Variants in TUBB observed in about 807,000 individuals in gnomAD.
TUBB encodes tubulin beta class I.
TUBB carries 2 observed loss-of-function variants against 35.1 expected under a neutral mutation model. The observed-to-expected ratio is 0.06, with a 90% confidence interval of 0.02 to 0.18. The LOEUF (loss-of-function observed/expected upper bound fraction) is 0.18, where lower values mean the gene tolerates loss of function less well. TUBB is among the 10% of genes least tolerant of loss of function. The probability of loss-of-function intolerance (pLI) is 1.00; values close to 1 mark genes in which losing one functional copy is unlikely to be tolerated. For synonymous variants in TUBB, 205 were observed against 223.8 expected (o/e 0.92, Z 0.75); for missense variants, 50 against 599.4 (o/e 0.08, Z 9.57).
chr6:30,722,363 A>G (rs2127747505), intron 1 of TUBB, 174 bp from the exon 2 acceptor site: 2 of 591,590 alleles, frequency 3.4e-6, no homozygotes, highest in South Asian at 4.1e-5. Context: ...GAATCGCTTG[A>G]ACCCGGGAAG....
intron 2 of TUBB, 125 bp downstream of exon 2, chr6:30,722,770 A>G: frequency 3.5e-6 from 4 of 1,137,076 alleles, no homozygotes; most frequent in Middle Eastern, 2.0e-4. Flanking sequence ...CCTTTCGTGA[A>G]CCACCGTCGG....
chr6:30,723,337 C>T lies in TUBB; in HGVS notation c.278-3C>T, dbSNP rs1776423020. On this transcript the variant is annotated splice_region_variant and splice_polypyrimidine_tract_variant and intron_variant, in intron 3 of 3. Coordinates refer to ENST00000327892, the MANE Select transcript of TUBB (RefSeq NM_178014.4). ...TTGAGCTTTTCTCCTGACTGCATTC[C>T]AGGTCAGTCTGGGGCAGGTAACAAC... The T allele has an allele frequency of 6.3e-7, 1 of 1,596,916 alleles. No homozygotes were observed. The highest frequency in any genetic ancestry group is 8.5e-7 in the Non-Finnish European group (1 of 1,170,660).
intron 1 of TUBB, 175 bp from the exon 2 acceptor site, chr6:30,722,362 G>C: frequency 1.7e-6 from 1 of 590,132 alleles, no homozygotes; most frequent in Non-Finnish European, 3.1e-6. Context: ...AGAATCGCTT[G>C]AACCCGGGAA....
At chr6:30,720,934 C>A (rs543626967) in intron 1 of TUBB, among the ~76,000 whole-genome samples, 2 of 152,362 alleles carry the variant, frequency 1.3e-5, no homozygotes, top group Non-Finnish European at 2.9e-5. Context: ...TCCCGCCCAA[C>A]CCCCCTGCGG....
intron 1 of TUBB, chr6:30,721,997 TAAA>T: frequency 1.3e-6 from 1 of 748,912 alleles, no homozygotes; most frequent in Non-Finnish European, 1.6e-6. Flanking sequence ...AAAATAAAAG[TAAA>T]AAATTAGCTG....
In TUBB at chr6:30,721,606, G is replaced by C. The variant is rs921390413; in HGVS notation, c.58-931G>C. The C allele has an allele frequency of 4.5e-5, 44 of 985,424 alleles. No individual in the cohort carries two copies. The Admixed American group carries it at 7.4e-4, about 17-fold the overall frequency. The allele number at this position is 985,424 out of a possible 1,614,324, so 61.0% of individuals were successfully genotyped here. A position where few individuals can be genotyped will look rare whatever the true frequency, so the allele number is the denominator to read the frequency against. ...GCCGCAGTCACGTGGAGGGCGGGGG[G>C]GGTGGTCGACTGCGGCGGCAGCTCT... On this transcript the variant is annotated intron_variant, in intron 1 of 3. Coordinates refer to ENST00000327892, the MANE Select transcript of TUBB (RefSeq NM_178014.4).
At position 30,723,824 on chromosome 6, in the gene TUBB, A is replaced by C. The variant is rs1562158119; in HGVS notation, c.762A>C (p.Ala254=). The C allele has an allele frequency of 6.2e-7, 1 of 1,614,034 alleles. No homozygotes were observed. The highest frequency in any genetic ancestry group is 1.7e-5 in the Admixed American group (1 of 60,018). The part of the protein sequence containing the change: ...GQLNADLRKL[A]VNMVPFPRLH... Reference sequence around the variant, plus strand: ...TCAATGCTGACCTCCGCAAGTTGGCAGTCAACATGGTCCCCTTCCCACGTC... The same window carrying C: ...TCAATGCTGACCTCCGCAAGTTGGCCGTCAACATGGTCCCCTTCCCACGTC... The change falls in exon 4 of 4, where the codon GCA becomes GCC. Residue 254 remains alanine, a synonymous_variant. Transcript: ENST00000327892.
At chr6:30,722,305 T>C (rs1434900760) in intron 1 of TUBB, 2 of 504,192 alleles carry the variant, frequency 4.0e-6, no homozygotes, top group Non-Finnish European at 7.2e-6. Context: ...TAGCTGGGCG[T>C]GTTGGTGCGC....
chr6:30,721,582 C>G (rs1320659595), intron 1 of TUBB: 36 of 985,306 alleles, frequency 3.7e-5, no homozygotes, highest in African/African-American at 7.0e-5. Context: ...TGCGCGTGCG[C>G]CGCAGTCACG....
chr6:30,722,325 C>T (rs1776335891), intron 1 of TUBB: 2 of 553,516 alleles, frequency 3.6e-6, no homozygotes, highest in Admixed American at 3.1e-5. Context: ...CGCCTATAGT[C>T]CCAGCTACTC....
At chr6:30,721,526 T>C in intron 1 of TUBB, 1 of 983,900 alleles carries the variant, frequency 1.0e-6, no homozygotes, top group Non-Finnish European at 1.2e-6. Flanking sequence ...GGAATTTTTG[T>C]CCCTGGCCCC....
intron 1 of TUBB, chr6:30,721,607 G>A (rs1037884532): frequency 1.5e-5 from 15 of 985,302 alleles, no homozygotes; most frequent in African/African-American, 1.7e-5. Context: ...GGGCGGGGGG[G>A]GTGGTCGACT....
Position 30,724,356 on chromosome 6 carries a change from G to C in TUBB, c.1294G>C (p.Glu432Gln). ...GCAGTACCAGGATGCCACCGCAGAA[G>C]AGGAGGAGGATTTCGGTGAGGAGGC... ...YQQYQDATAE[E>Q]EEDFGEEAEE... Residue 432 changes from glutamate to glutamine, a missense_variant, in exon 4 of 4, where the codon GAG becomes CAG. Physicochemically the swap from Glu to Gln is conservative, Grantham distance 29. Around this residue, in one of 2 missense-constraint regions of TUBB, gnomAD observed 12 missense variants for 20.5 expected, o/e 0.59. Coordinates refer to ENST00000327892, the MANE Select transcript of TUBB (RefSeq NM_178014.4). This position sits in a 1 kb window ranked among gnomAD's most constrained non-coding sequence, Gnocchi z 4.4. 1 of 1,612,650 alleles carries C rather than the reference G, an allele frequency of 6.2e-7. No individual in the cohort carries two copies. The highest frequency in any genetic ancestry group is 8.5e-7 in the Non-Finnish European group (1 of 1,179,840).
Position 30,722,932 on chromosome 6 carries a change from C to T in TUBB, c.181C>T (p.Pro61Ser). Reference sequence around the variant, plus strand: ...ATTCTCTGTAGGTGGCAAATATGTTCCTCGTGCCATCCTGGTGGATCTAGA... The same window carrying T: ...ATTCTCTGTAGGTGGCAAATATGTTTCTCGTGCCATCCTGGTGGATCTAGA... ...YNEATGGKYV[P>S]RAILVDLEPG... is the part of the protein sequence containing the mutation. Residue 61 changes from proline to serine, a missense_variant, in exon 3 of 4, where the codon CCT becomes TCT. This residue lies in a region of TUBB where 38 missense variants were observed against 578.9 expected (regional missense o/e 0.07). Transcript: ENST00000327892. 1 of 1,612,062 alleles carries T rather than the reference C, an allele frequency of 6.2e-7. No individual in the cohort carries two copies. The highest frequency in any genetic ancestry group is 8.5e-7 in the Non-Finnish European group (1 of 1,179,328).
intron 2 of TUBB, 29 bp downstream of exon 2, chr6:30,722,674 T>C (rs763061220): frequency 6.4e-7 from 1 of 1,567,924 alleles, no homozygotes; most frequent in South Asian, 1.1e-5. Context: ...GCAGCTCAGG[T>C]TCCCTTCCCT....
At chr6:30,721,953 A>G (rs1390172335) in intron 1 of TUBB, 3 of 931,576 alleles carry the variant, frequency 3.2e-6, no homozygotes, top group Non-Finnish European at 3.8e-6. Context: ...CTGGGCAACA[A>G]AGCGAGACCC....
At chr6:30,722,336 C>T (rs772440656) in intron 1 of TUBB, 41 of 559,796 alleles carry the variant, frequency 7.3e-5, no homozygotes, top group Non-Finnish European at 1.2e-4. Flanking sequence ...CCAGCTACTC[C>T]GGGGGCTGAG....
In TUBB at chr6:30,724,619, G is replaced by C; in HGVS notation, c.*222G>C. 1.9e-6 allele frequency: 1 copy of C among 538,564 alleles called. No homozygotes were observed. The highest frequency in any genetic ancestry group is 3.3e-6 in the Non-Finnish European group (1 of 307,498). 33.4% of individuals were successfully genotyped at this position (538,564 alleles called of 1,614,324 possible). A position where few individuals can be genotyped will look rare whatever the true frequency, so the allele number is the denominator to read the frequency against. On this transcript the variant is annotated 3_prime_UTR_variant, in exon 4 of 4. Transcript: ENST00000327892. This position sits in a 1 kb window ranked among gnomAD's most constrained non-coding sequence, Gnocchi z 4.4. ...TCCACTCTGGGAAACCTAGGTTTCT[G>C]CCATTCTGGGTGACCCTGTATTTCT...
chr6:30,721,287 G>A (rs1388893445), intron 1 of TUBB, among the ~76,000 whole-genome samples: 1 of 152,076 alleles, frequency 6.6e-6, no homozygotes, highest in Non-Finnish European at 1.5e-5. Flanking sequence ...TTTAAATCAA[G>A]GGGTAGAAAT....
Sources: gnomAD v4.1 joint callset for allele counts (sites outside exome capture counted in the v4.1 genomes callset) on GRCh38, gnomAD v4.1.1 for gene constraint, gnomAD v4.1.1 regional missense constraint, Gnocchi (gnomAD v3.1) non-coding constraint, MANE v1.5 for transcripts, NCBI Gene and HGNC (gene_info 2026-07-23, HGNC 2026-07-21) for gene names.